The following PRKDC variants were observed in gnomAD, a reference collection of about 807,000 sequenced individuals.
PRKDC encodes the protein protein kinase, DNA-activated, catalytic subunit, also known as DNA-dependent protein kinase catalytic subunit.
PRKDC carries 82 observed loss-of-function variants against 486.9 expected under a neutral mutation model. That is an observed-to-expected ratio of 0.17 (90% CI 0.14 to 0.20). The LOEUF (loss-of-function observed/expected upper bound fraction) is 0.20. PRKDC is among the 10% of genes least tolerant of loss of function. The pLI, the probability that PRKDC is intolerant of heterozygous loss-of-function variation, is 1.00. For missense variants in PRKDC, 4,504 were observed against 5,038.2 expected (o/e 0.89, Z 3.21); for synonymous variants, 1,895 against 1,837.0 (o/e 1.03, Z -0.81).
Position 47,886,124 on chromosome 8 carries a change from G to A in PRKDC, c.4596C>T (p.Leu1532=), listed in dbSNP as rs1308613773. ...CCGTGGACAGCACCGCTGGGTTCAGGAGAAGACTCACAAGGCGCTCACACT... is the reference window on the plus strand; with the variant it reads ...CCGTGGACAGCACCGCTGGGTTCAGAAGAAGACTCACAAGGCGCTCACACT... ...GGLCERLVSL[L]LNPAVLSTAS... is the part of the protein sequence containing the mutation. Residue 1532 remains leucine (L), a synonymous_variant, in exon 36 of 86, where the codon CTC becomes CTT. Transcript: ENST00000314191. The A allele has an allele frequency of 6.2e-7, 1 of 1,609,514 alleles. No homozygotes were observed. Among genetic ancestry groups the A allele is most frequent in the Non-Finnish European group, 8.5e-7 (1 of 1,178,312 alleles).
At chr8:47,956,864 A>G (rs1472383712) in intron 3 of PRKDC, among the ~76,000 whole-genome samples, 3 of 151,398 alleles carry the variant, frequency 2.0e-5, no homozygotes, top group Non-Finnish European at 2.9e-5. Flanking sequence ...CTCCTCAGGA[A>G]AAAAAAGTAT....
At position 47,779,045 on chromosome 8, in the gene PRKDC, C is replaced by T. The variant is rs1320148328; in HGVS notation, c.11538G>A (p.Met3846Ile). The change falls in exon 81 of 86, where the codon ATG becomes ATA. Residue 3846 changes from methionine (M) to isoleucine (I), a missense_variant. Met to Ile is a conservative substitution (Grantham distance 10). Coordinates refer to ENST00000314191, the MANE Select transcript of PRKDC (RefSeq NM_006904.7). The stretch of plus-strand genomic sequence containing the variant: ...AAGCTCCAACATCATGTTTTCCTGA[C>T]ATTTTTGTCAGCCAATCTTTATATT... ...PCEYKDWLTK[M>I]SGKHDVGAYM... The T allele has an allele frequency of 6.2e-7, 1 of 1,602,356 alleles. No individual in the cohort carries two copies. The highest frequency in any genetic ancestry group is 2.2e-5 in the East Asian group (1 of 44,762).
chr8:47,778,693 G>A (rs753379919), intron 82 of PRKDC, 33 bp from the exon 83 acceptor site: 8 of 1,613,272 alleles, frequency 5.0e-6, no homozygotes, highest in Middle Eastern at 1.6e-4. Context: ...CGGCTGCTGT[G>A]ATCCCACTAA....
chr8:47,850,764 G>A (rs190793817), intron 52 of PRKDC, among the ~76,000 whole-genome samples: 87 of 152,294 alleles, frequency 5.7e-4, no homozygotes, highest in African/African-American at 2.0e-3. Flanking sequence ...TGTGCCACAG[G>A]TGCTGAGGGA....
At chr8:47,810,407 C>A (rs2087301965) in intron 68 of PRKDC, among the ~76,000 whole-genome samples, 3 of 152,164 alleles carry the variant, frequency 2.0e-5, no homozygotes, top group Admixed American at 2.0e-4. Context: ...TAAGCTTTAT[C>A]ATATGTGTGT....
At position 47,840,068 on chromosome 8, in the gene PRKDC, T is replaced by C. The variant is rs1295458226; in HGVS notation, c.7402A>G (p.Thr2468Ala). 1.3e-6 allele frequency: 2 copies of C among 1,562,836 alleles called. No homozygotes were observed. Among genetic ancestry groups the C allele is most frequent in the Non-Finnish European group, 1.7e-6 (2 of 1,151,570 alleles). ...ATATTATACATTTGTTCCCTACATG[T>C]TGTAGAAGGATGGGAAACGAATTCC... is the stretch of plus-strand genomic sequence containing the variant. ...VVEFVSHPST[T>A]CREQMYNILM... The change falls in exon 55 of 86, where the codon ACA becomes GCA. Residue 2468 changes from threonine to alanine, a missense_variant. Physicochemically the swap from Thr to Ala is moderately conservative, Grantham distance 58. Coordinates refer to ENST00000314191, the MANE Select transcript of PRKDC (RefSeq NM_006904.7).
intron 45 of PRKDC, among the ~76,000 whole-genome samples, chr8:47,860,059 A>C (rs1266913411): frequency 6.6e-6 from 1 of 152,232 alleles, no homozygotes; most frequent in Non-Finnish European, 1.5e-5. Flanking sequence ...GATGATGTAC[A>C]TTTTGCCCAT....
chr8:47,849,121 T>C (rs764851539), intron 54 of PRKDC, 33 bp downstream of exon 54: 5 of 1,606,928 alleles, frequency 3.1e-6, no homozygotes, highest in Non-Finnish European at 2.6e-6. Context: ...TATGAGCCAG[T>C]GGGACCCAAG....
At chr8:47,787,055 A>G (rs979828739) in intron 76 of PRKDC, among the ~76,000 whole-genome samples, 2 of 151,822 alleles carry the variant, frequency 1.3e-5, no homozygotes, top group South Asian at 2.1e-4. Flanking sequence ...AGCAATTATT[A>G]TAAGTACTCT....
At chr8:47,884,556 T>G (rs1258750008) in intron 36 of PRKDC, among the ~76,000 whole-genome samples, 1 of 152,212 alleles carries the variant, frequency 6.6e-6, no homozygotes, top group Non-Finnish European at 1.5e-5. Flanking sequence ...GGCGTATGTT[T>G]TTTCTATCAT....
chr8:47,862,575 A>C, intron 42 of PRKDC, 34 bp from the exon 43 acceptor site: 1 of 1,554,586 alleles, frequency 6.4e-7, no homozygotes, highest in Non-Finnish European at 8.7e-7. Flanking sequence ...ATCAATTCAC[A>C]CAACATGGCA....
chr8:47,822,480 T>A (rs1589721060), intron 64 of PRKDC, among the ~76,000 whole-genome samples: 1 of 152,244 alleles, frequency 6.6e-6, no homozygotes, highest in East Asian at 1.9e-4. Flanking sequence ...TGTAGAAAAT[T>A]GCAGAGGATT....
At chr8:47,950,357 G>T (rs1486480371) in intron 7 of PRKDC, among the ~76,000 whole-genome samples, 1 of 151,908 alleles carries the variant, frequency 6.6e-6, no homozygotes, top group Non-Finnish European at 1.5e-5. Flanking sequence ...CAGGCACAGT[G>T]GTTCACACCT....
At chr8:47,882,371 C>T (rs2089238647) in intron 36 of PRKDC, among the ~76,000 whole-genome samples, 1 of 152,174 alleles carries the variant, frequency 6.6e-6, no homozygotes, top group Admixed American at 6.5e-5. Flanking sequence ...GGAGTCAGCT[C>T]TCTTCTGTCA....
chr8:47,856,470 T>C (rs1247643140), intron 49 of PRKDC, among the ~76,000 whole-genome samples: 1 of 152,202 alleles, frequency 6.6e-6, no homozygotes, highest in African/African-American at 2.4e-5. Flanking sequence ...CCTTAAGTGA[T>C]CTGCCTGCCT....
intron 31 of PRKDC, among the ~76,000 whole-genome samples, chr8:47,891,356 C>A (rs1440277590): frequency 1.3e-5 from 2 of 152,194 alleles, no homozygotes; most frequent in African/African-American, 4.8e-5. Context: ...AAACTGTCAA[C>A]TGACCTCGTT....
At chr8:47,842,788 C>T (rs1243031134) in intron 54 of PRKDC, among the ~76,000 whole-genome samples, 1 of 152,174 alleles carries the variant, frequency 6.6e-6, no homozygotes, top group Admixed American at 6.5e-5. Context: ...GGCGAGAAAG[C>T]TCAAGATCCA....
intron 7 of PRKDC, among the ~76,000 whole-genome samples, chr8:47,946,514 G>A (rs1411552271): frequency 1.3e-5 from 2 of 151,982 alleles, no homozygotes; most frequent in Non-Finnish European, 2.9e-5. Context: ...CTTACTGCCA[G>A]TTCCTCCTCC....
intron 28 of PRKDC, among the ~76,000 whole-genome samples, chr8:47,898,982 G>T (rs2089632766): frequency 6.6e-6 from 1 of 152,218 alleles, no homozygotes; most frequent in Admixed American, 6.5e-5. Context: ...CTATTTTAAA[G>T]GGGTGTAAAT....
Sources: allele counts gnomAD v4.1 joint callset (sites outside exome capture counted in the v4.1 genomes callset), GRCh38; gene constraint gnomAD v4.1.1; transcripts MANE v1.5; gene names NCBI Gene and HGNC (gene_info 2026-07-23, HGNC 2026-07-21).